LRP1B: variants seen among roughly 807,000 people sequenced by gnomAD.
The protein encoded by LRP1B is low-density lipoprotein receptor-related protein 1B.
A neutral mutation model predicts 556.6 loss-of-function variants in LRP1B; 217 were observed. The observed-to-expected ratio is 0.39, with a 90% CI of 0.35 to 0.44. The LOEUF is 0.44. LRP1B is among the 20% of genes least tolerant of loss of function. The probability of loss-of-function intolerance (pLI) is 1.00; values close to 1 mark genes in which losing one functional copy is unlikely to be tolerated. For missense variants in LRP1B, 5,053 were observed against 5,620.8 expected, an observed-to-expected ratio of 0.90 and a Z score of 3.23; for synonymous variants, 2,047 against 1,865.8, an observed-to-expected ratio of 1.10 and a Z score of -2.50.
intron 1 of LRP1B, among the ~76,000 whole-genome samples, chr2:141,929,144 C>T (rs529804821): frequency 2.0e-5 from 3 of 152,154 alleles, no homozygotes; most frequent in Non-Finnish European, 4.4e-5. Context: ...TAAGGATAAA[C>T]TATTTTTTCA....
intron 3 of LRP1B, among the ~76,000 whole-genome samples, chr2:141,332,642 G>A (rs1015390347): frequency 2.6e-5 from 4 of 151,468 alleles, no homozygotes; most frequent in Middle Eastern, 3.4e-3. Flanking sequence ...GAAAATGGAT[G>A]GGTCAAAGTC....
rs1001361230 is a variant in LRP1B at position 142,130,580 on chromosome 2, C to A, written c.82+68G>T. 4 of 1,341,072 alleles carry A rather than the reference C, an allele frequency of 3.0e-6. No homozygotes were observed. The African/African-American group carries it at 5.9e-5, about 20-fold the overall frequency. The allele number at this position is 1,341,072 out of a possible 1,614,324, so 83.1% of individuals were successfully genotyped here. A position where few individuals can be genotyped will look rare whatever the true frequency, so the allele number is the denominator to read the frequency against. On this transcript the variant is annotated intron_variant, in intron 1 of 90. Transcript: ENST00000389484. The stretch of plus-strand genomic sequence containing the variant: ...GGACTTAAGTTTCACACTCACTTAT[C>A]TGCAAGCATCGCCCAGCAGGAAAGC...
Position 141,126,037 on chromosome 2 carries a change from A to ATTTT in LRP1B, c.1013+62380_1013+62383dup, listed in dbSNP as rs61318987. On this transcript the variant is annotated intron_variant, in intron 7 of 90. Coordinates refer to ENST00000389484, the MANE Select transcript of LRP1B (RefSeq NM_018557.3). ...AATTGATAGCTACTTTCTTCCTTTT[A>ATTTT]TTTTTTTTTTTTTGAGGCAGAGTCT... Among the ~76,000 whole-genome samples the ATTTT allele has an allele frequency of 1.4e-3, 205 of 144,560 alleles. 2 individuals are homozygous for ATTTT. The highest frequency in any genetic ancestry group is 4.9e-3 in the African/African-American group (190 of 39,132). The allele number at this position is 144,560 out of a possible 152,430, so 94.8% of individuals were successfully genotyped here.
chr2:141,669,498 G>A (rs1019052654), intron 2 of LRP1B, among the ~76,000 whole-genome samples: 1 of 152,080 alleles, frequency 6.6e-6, no homozygotes, highest in African/African-American at 2.4e-5. Flanking sequence ...TGGGAAGCCT[G>A]CCTCTAGGCA....
At chr2:141,600,763 GA>G (rs1473846908) in intron 2 of LRP1B, among the ~76,000 whole-genome samples, 1 of 152,010 alleles carries the variant, frequency 6.6e-6, no homozygotes, top group Non-Finnish European at 1.5e-5. Flanking sequence ...TACAAACACA[GA>G]ACTCTGTCCA....
intron 2 of LRP1B, among the ~76,000 whole-genome samples, chr2:141,798,923 G>A (rs142593255): frequency 1.8e-4 from 27 of 151,866 alleles, no homozygotes; most frequent in African/African-American, 6.3e-4. Flanking sequence ...GTGCCCTTGT[G>A]AGAAGATGAG....
At chr2:141,035,649 A>G (rs1315080441) in intron 11 of LRP1B, among the ~76,000 whole-genome samples, 4 of 151,956 alleles carry the variant, frequency 2.6e-5, no homozygotes, top group Non-Finnish European at 5.9e-5. Context: ...ATCATCCTGT[A>G]CCATCTCTTT....
At chr2:141,215,605 G>A (rs185947481) in intron 6 of LRP1B, among the ~76,000 whole-genome samples, 1 of 152,156 alleles carries the variant, frequency 6.6e-6, no homozygotes, top group Non-Finnish European at 1.5e-5. Flanking sequence ...AGCTGAGGAG[G>A]TCTCAGATTT....
chr2:141,611,735 A>T (rs1688114440), intron 2 of LRP1B, among the ~76,000 whole-genome samples: 1 of 152,226 alleles, frequency 6.6e-6, no homozygotes, highest in Non-Finnish European at 1.5e-5. Flanking sequence ...CAGAATGGTT[A>T]ACACAAAATA....
chr2:142,050,900 C>T (rs1213146143), intron 1 of LRP1B, among the ~76,000 whole-genome samples: 1 of 152,048 alleles, frequency 6.6e-6, no homozygotes, highest in African/African-American at 2.4e-5. Flanking sequence ...ATGTGTGAGT[C>T]TACCAGACAA....
At chr2:141,070,036 G>A (rs1419537995) in intron 7 of LRP1B, among the ~76,000 whole-genome samples, 2 of 140,860 alleles carry the variant, frequency 1.4e-5, no homozygotes, top group African/African-American at 2.7e-5. Flanking sequence ...TCCCACCTAT[G>A]AGTGAGAATA....
At chr2:141,329,402 A>AG (rs1553496936) in intron 3 of LRP1B, among the ~76,000 whole-genome samples, 1 of 145,404 alleles carries the variant, frequency 6.9e-6, no homozygotes, top group African/African-American at 2.6e-5. Context: ...AAAAAAAAAA[A>AG]GGGAGGCCGA....
intron 2 of LRP1B, among the ~76,000 whole-genome samples, chr2:141,665,069 A>C (rs1574214455): frequency 6.6e-6 from 1 of 152,122 alleles, no homozygotes. Flanking sequence ...ACAACCATCT[A>C]ATCTTTAACA....
At chr2:140,263,161 C>T (rs1378627327) in intron 86 of LRP1B, among the ~76,000 whole-genome samples, 1 of 152,080 alleles carries the variant, frequency 6.6e-6, no homozygotes, top group African/African-American at 2.4e-5. Context: ...TCAAGTGATC[C>T]ACCTACCTAG....
chr2:142,023,506 G>GT (rs1467164349), intron 1 of LRP1B, among the ~76,000 whole-genome samples: 1 of 152,104 alleles, frequency 6.6e-6, no homozygotes, highest in Non-Finnish European at 1.5e-5. Flanking sequence ...GCAAAACACG[G>GT]TAAATGTGTT....
At chr2:141,301,241 T>C (rs1686385951) in intron 3 of LRP1B, among the ~76,000 whole-genome samples, 1 of 152,190 alleles carries the variant, frequency 6.6e-6, no homozygotes, top group South Asian at 2.1e-4. Flanking sequence ...GTGTGAGAGA[T>C]GCATGAGTAT....
At chr2:140,233,969 G>C (rs1680582094) in intron 90 of LRP1B, among the ~76,000 whole-genome samples, 1 of 151,250 alleles carries the variant, frequency 6.6e-6, no homozygotes, top group African/African-American at 2.4e-5. Flanking sequence ...GCATGCAGCA[G>C]CTGACCTCTT....
At chr2:140,797,950 A>G (rs1261836699) in intron 32 of LRP1B, among the ~76,000 whole-genome samples, 2 of 152,118 alleles carry the variant, frequency 1.3e-5, no homozygotes, top group Non-Finnish European at 2.9e-5. Flanking sequence ...TTTTTGCTCA[A>G]CTGTCACGTC....
chr2:141,952,078 C>A (rs1280142566), intron 1 of LRP1B, among the ~76,000 whole-genome samples: 1 of 149,256 alleles, frequency 6.7e-6, no homozygotes, highest in Admixed American at 6.8e-5. Flanking sequence ...TCAGTTCCCA[C>A]CTATGAGTGA....
Sources: gnomAD v4.1 joint callset for allele counts (sites outside exome capture counted in the v4.1 genomes callset) on GRCh38, gnomAD v4.1.1 for gene constraint, MANE v1.5 for transcripts, NCBI Gene and HGNC (gene_info 2026-07-23, HGNC 2026-07-21) for gene names.